Variants in TM9SF4 observed in about 807,000 individuals in gnomAD.
TM9SF4 encodes dinucleotide oxidase disulfide thiol exchanger 3 superfamily member 4.
In TM9SF4, 26 loss-of-function variants were observed where a neutral mutation model predicts 90.4. The ratio of observed to expected loss-of-function variants is 0.29; its 90% CI spans 0.21 to 0.40. The LOEUF (loss-of-function observed/expected upper bound fraction) is 0.40, where lower values mean the gene tolerates loss of function less well. TM9SF4 is among the 10% of genes least tolerant of loss of function. The pLI, the probability that TM9SF4 is intolerant of heterozygous loss-of-function variation, is 1.00. For synonymous variants in TM9SF4, 293 were observed against 315.4 expected (o/e 0.93, Z 0.75); for missense variants, 549 against 834.8 (o/e 0.66, Z 4.22).
In TM9SF4 at chr20:32,149,626, C is replaced by G. The variant is rs117900722; in HGVS notation, c.955-8C>G. ...AACAACCAGCCTCACTCTGGCCCTT[C>G]GCTGCAGGAAGACACCATGGAGGAG... On this transcript the variant is annotated splice_polypyrimidine_tract_variant and splice_region_variant and intron_variant, in intron 9 of 17. Transcript: ENST00000398022. 5.0e-6 allele frequency: 8 copies of G among 1,614,172 alleles called. No individual in the cohort carries two copies. Among genetic ancestry groups the G allele is most frequent in the African/African-American group, 1.3e-5 (1 of 75,020 alleles).
At chr20:32,143,209 G>A in intron 6 of TM9SF4, 104 bp downstream of exon 6, 2 of 1,431,334 alleles carry the variant, frequency 1.4e-6, no homozygotes, top group Middle Eastern at 5.1e-4. Flanking sequence ...GATGGGCTCG[G>A]GTGTGGCGTG....
chr20:32,141,556 G>A lies in TM9SF4; in HGVS notation c.289G>A (p.Glu97Lys), dbSNP rs2046679131. 8 of 1,614,014 alleles carry A rather than the reference G, an allele frequency of 5.0e-6. No homozygotes were observed. The highest frequency in any genetic ancestry group is 1.6e-4 in the Middle Eastern group (1 of 6,084). ...CCCTTTCCAGGTTCTCATGAACAGC[G>A]AGAAGAAGTGTGAAGTTCTGTGCAG... Reference protein sequence around the residue: ...NTPFQVLMNSEKKCEVLCSQS... With the variant: ...NTPFQVLMNSKKKCEVLCSQS... The change falls in exon 4 of 18, where the codon GAG (glutamate) becomes AAG (lysine). Residue 97 changes from glutamate to lysine, a missense_variant. Glu to Lys is a moderately conservative substitution (Grantham distance 56, BLOSUM62 1). This residue lies in a region of TM9SF4 where 495 missense variants were observed against 711.7 expected (regional missense o/e 0.70). Transcript: ENST00000398022.
chr20:32,114,572 A>G (rs560955466), intron 1 of TM9SF4, among the ~76,000 whole-genome samples: 51 of 152,274 alleles, frequency 3.3e-4, no homozygotes, highest in African/African-American at 1.2e-3. Flanking sequence ...GCCTCAAGCA[A>G]TCCTCCCGTC....
Position 32,142,015 on chromosome 20 carries a change from G to A in TM9SF4, c.528+120G>A, listed in dbSNP as rs539984265. Reference sequence around the variant, plus strand: ...AAGTTTCTCCAGGTGCCCTGGGCATGATGGTCTGTCAGAGGTCCGAGTGCT... The same window carrying A: ...AAGTTTCTCCAGGTGCCCTGGGCATAATGGTCTGTCAGAGGTCCGAGTGCT... On this transcript the variant is annotated intron_variant, in intron 5 of 17. Transcript: ENST00000398022. 63 of 1,512,396 alleles carry A rather than the reference G, an allele frequency of 4.2e-5. 1 individual carries two copies. In the South Asian group the frequency reaches 7.7e-4, roughly 19 times the overall value. 93.7% of individuals were successfully genotyped at this position (1,512,396 alleles called of 1,614,324 possible).
At chr20:32,159,939 G>A in intron 15 of TM9SF4, 53 bp from the exon 16 acceptor site, 1 of 1,611,826 alleles carries the variant, frequency 6.2e-7, no homozygotes, top group Non-Finnish European at 8.5e-7. Context: ...GGTGTGCCAG[G>A]GGAAGGGGAG....
chr20:32,139,279 T>TA (rs1260241161), intron 3 of TM9SF4, among the ~76,000 whole-genome samples: 1 of 152,262 alleles, frequency 6.6e-6, no homozygotes, highest in Non-Finnish European at 1.5e-5. Flanking sequence ...CAGATCTTGA[T>TA]ATCTAAGTGC....
intron 1 of TM9SF4, among the ~76,000 whole-genome samples, chr20:32,116,872 T>TC (rs2046233291): frequency 4.0e-5 from 2 of 50,552 alleles, no homozygotes; most frequent in Non-Finnish European, 8.7e-5. Flanking sequence ...CTTTTTTTTT[T>TC]TTTTTTTTTT....
Position 32,166,265 on chromosome 20 carries a change from A to T in TM9SF4, c.*821A>T, listed in dbSNP as rs1259293321. 6.5e-6 allele frequency: 1 copy of T among 152,866 alleles called. No homozygotes were observed. The highest frequency in any genetic ancestry group is 1.5e-5 in the Non-Finnish European group (1 of 68,206). The allele number at this position is 152,866 out of a possible 1,614,324, so 9.5% of individuals were successfully genotyped here. On this transcript the variant is annotated 3_prime_UTR_variant, in exon 18 of 18. Coordinates refer to ENST00000398022, the MANE Select transcript of TM9SF4 (RefSeq NM_014742.4). The stretch of plus-strand genomic sequence containing the variant: ...CCAAGAAACCCTGGACCTGGGGCCA[A>T]GTATTTCCCAAGCCAAGCATCCACT...
rs114112698 is a variant in TM9SF4, at chr20:32,131,339, A to T, written c.16-1674A>T. On this transcript the variant is annotated intron_variant, in intron 1 of 17. Coordinates refer to ENST00000398022, the MANE Select transcript of TM9SF4 (RefSeq NM_014742.4). ...CTGCAAAAAGTGTACTGAATTCAGA[A>T]CCTTTTACAAATTCAGAAACTTGTA... 1.5e-3 allele frequency among the ~76,000 whole-genome samples: 227 copies of T among 152,340 alleles called. 2 individuals carry two copies. The highest frequency in any genetic ancestry group is 5.1e-3 in the African/African-American group (210 of 41,568).
chr20:32,162,784 A>G (rs1288109837), intron 17 of TM9SF4, among the ~76,000 whole-genome samples: 1 of 152,070 alleles, frequency 6.6e-6, no homozygotes, highest in East Asian at 1.9e-4. Context: ...AACAAATCTA[A>G]TCTCCCTCCT....
chr20:32,156,942 C>CTTTT (rs71185385), intron 13 of TM9SF4, among the ~76,000 whole-genome samples: 5 of 103,502 alleles, frequency 4.8e-5, no homozygotes, highest in East Asian at 6.2e-4. Flanking sequence ...TGGACATTTT[C>CTTTT]TTTTTTTTTT....
rs962417006 is a variant in TM9SF4, at chr20:32,110,007, C to T, written c.15+252C>T. 8 of 1,403,754 alleles carry T rather than the reference C, an allele frequency of 5.7e-6. No homozygotes were observed. In the African/African-American group the frequency reaches 7.2e-5, roughly 13 times the overall value. 87.0% of individuals were successfully genotyped at this position (1,403,754 alleles called of 1,614,324 possible). A position where few individuals can be genotyped will look rare whatever the true frequency, so the allele number is the denominator to read the frequency against. The stretch of plus-strand genomic sequence containing the variant: ...GGAAGACCTCGGCTGCTGCCTTCGC[C>T]GGTTCCCATTCTACTTTTGGTCTCC... On this transcript the variant is annotated intron_variant, in intron 1 of 17. Transcript: ENST00000398022.
At chr20:32,117,092 C>T (rs2046237591) in intron 1 of TM9SF4, among the ~76,000 whole-genome samples, 1 of 151,330 alleles carries the variant, frequency 6.6e-6, no homozygotes, top group Admixed American at 6.6e-5. Flanking sequence ...GGTCTGGTGG[C>T]AGGCACCTGT....
At chr20:32,139,382 G>A (rs1326181946) in intron 3 of TM9SF4, among the ~76,000 whole-genome samples, 1 of 152,092 alleles carries the variant, frequency 6.6e-6, no homozygotes, top group African/African-American at 2.4e-5. Flanking sequence ...AAACCTCAGA[G>A]TCTTCCTAAT....
At chr20:32,118,633 TTATTTA>T (rs2046261589) in intron 1 of TM9SF4, among the ~76,000 whole-genome samples, 1 of 97,280 alleles carries the variant, frequency 1.0e-5, no homozygotes, top group African/African-American at 3.3e-5. Flanking sequence ...ATTTATTTAT[TTATTTA>T]TTTATTTTTA....
chr20:32,123,491 TA>T (rs2046366655), intron 1 of TM9SF4, among the ~76,000 whole-genome samples: 1 of 151,450 alleles, frequency 6.6e-6, no homozygotes, highest in Non-Finnish European at 1.5e-5. Context: ...CTTTTTTTTT[TA>T]ACTGCCCATT....
rs768608505 is a variant in TM9SF4 at position 32,141,811 on chromosome 20, C to T, written c.444C>T (p.Ser148=). Residue 148 remains serine, a synonymous_variant, in exon 5 of 18, where the codon TCC becomes TCT. Coordinates refer to ENST00000398022, the MANE Select transcript of TM9SF4 (RefSeq NM_014742.4). ...LPVATRLELY[S]NRDSDDKKKE... ...TGGCCACCCGGCTGGAGCTCTACTCCAACCGAGACAGCGATGACAAGAAGA... is the reference window on the plus strand; with the variant it reads ...TGGCCACCCGGCTGGAGCTCTACTCTAACCGAGACAGCGATGACAAGAAGA... The T allele has an allele frequency of 1.2e-6, 2 of 1,614,160 alleles. No individual in the cohort carries two copies. Among genetic ancestry groups the T allele is most frequent in the East Asian group, 2.2e-5 (1 of 44,884 alleles).
intron 1 of TM9SF4, among the ~76,000 whole-genome samples, chr20:32,126,352 A>G (rs552012252): frequency 6.6e-6 from 1 of 152,274 alleles, no homozygotes; most frequent in African/African-American, 2.4e-5. Flanking sequence ...TGCACATTAA[A>G]CTTTAAGAAG....
intron 16 of TM9SF4, 131 bp from the exon 17 acceptor site, chr20:32,161,145 C>A: frequency 1.4e-6 from 1 of 695,208 alleles, no homozygotes; most frequent in Non-Finnish European, 2.5e-6. Context: ...CACAGTCAAG[C>A]TGTGAAACAT....
Sources: allele counts gnomAD v4.1 joint callset (sites outside exome capture counted in the v4.1 genomes callset), GRCh38; gene constraint gnomAD v4.1.1; regional missense constraint gnomAD v4.1.1; transcripts MANE v1.5; gene names NCBI Gene and HGNC (gene_info 2026-07-23, HGNC 2026-07-21).